The following GGT5 variants were observed in gnomAD, a reference collection of about 807,000 sequenced individuals.
GGT5 encodes the protein gamma-glutamyltransferase 5.
In GGT5, 50 loss-of-function variants were observed where a neutral mutation model predicts 58.1. The ratio of observed to expected loss-of-function variants is 0.86; its 90% CI spans 0.69 to 1.09. GGT5 has a LOEUF of 1.09. GGT5 is among the 50% of genes least tolerant of loss of function. The pLI is 0.00. For synonymous variants in GGT5, 370 were observed against 346.1 expected, an observed-to-expected ratio of 1.07 and a Z score of -0.77; for missense variants, 800 against 789.4, an observed-to-expected ratio of 1.01 and a Z score of -0.16.
chr22:24,226,276 G>C lies in GGT5; in HGVS notation c.1039-10C>G. On this transcript the variant is annotated splice_polypyrimidine_tract_variant and intron_variant, in intron 7 of 11. Transcript: ENST00000327365. ...GGTCCCGGGAGGCATTCTGGGGTGGGTGGGCAGGTGGCAGGGTCAGTGAGG... is the reference window on the plus strand; with the variant it reads ...GGTCCCGGGAGGCATTCTGGGGTGGCTGGGCAGGTGGCAGGGTCAGTGAGG... 6.3e-7 allele frequency: 1 copy of C among 1,585,054 alleles called. No individual in the cohort carries two copies. The highest frequency in any genetic ancestry group is 8.6e-7 in the Non-Finnish European group (1 of 1,167,962).
intron 6 of GGT5, among the ~76,000 whole-genome samples, chr22:24,230,372 GAAA>G: frequency 1.3e-5 from 1 of 77,486 alleles, no homozygotes; most frequent in Admixed American, 1.4e-4. Context: ...TGTCTAAAAA[GAAA>G]AAAAAAAAAA....
In GGT5 at chr22:24,238,954, AT is replaced by A. The variant is rs1312467008; in HGVS notation, c.174-4951del. ...TATATTATATAATATATATATATAT[AT>A]ATAATATATATATAGCCCATGACAC... On this transcript the variant is annotated intron_variant, in intron 1 of 11. Transcript: ENST00000327365. Among the ~76,000 whole-genome samples the A allele has an allele frequency of 8.4e-3, 307 of 36,386 alleles. 33 individuals carry two copies. The highest frequency in any genetic ancestry group is 0.013 in the Non-Finnish European group (242 of 18,042). 23.9% of individuals were successfully genotyped at this position (36,386 alleles called of 152,430 possible).
At chr22:24,238,682 C>T (rs560172363) in intron 1 of GGT5, among the ~76,000 whole-genome samples, 8 of 103,584 alleles carry the variant, frequency 7.7e-5, no homozygotes, top group South Asian at 3.2e-4. Context: ...CCAGCCTGGG[C>T]GACAGAGCAA....
intron 6 of GGT5, among the ~76,000 whole-genome samples, chr22:24,230,537 G>A (rs1012046232): frequency 2.0e-5 from 3 of 151,658 alleles, no homozygotes; most frequent in Admixed American, 1.3e-4. Context: ...TACCCTAGGC[G>A]ACAGAGCAAG....
At chr22:24,227,024 CT>C (rs1328314811) in intron 6 of GGT5, among the ~76,000 whole-genome samples, 3 of 146,724 alleles carry the variant, frequency 2.0e-5, no homozygotes, top group Non-Finnish European at 4.5e-5. Flanking sequence ...TCTCAGCTCA[CT>C]GCAATCTCTG....
intron 11 of GGT5, among the ~76,000 whole-genome samples, chr22:24,221,412 G>A (rs9608253): frequency 0.24 from 35,276 of 149,242 alleles, 4,534 homozygotes; most frequent in African/African-American, 0.32. Context: ...CATCCAGATC[G>A]ATTAACTGGC....
intron 1 of GGT5, among the ~76,000 whole-genome samples, chr22:24,236,518 C>T (rs368706776): frequency 5.2e-4 from 79 of 152,320 alleles, no homozygotes; most frequent in African/African-American, 1.8e-3. Flanking sequence ...AATCCCAGCA[C>T]TTTGGGAGGC....
At chr22:24,228,081 A>AAAC (rs2047829723) in intron 6 of GGT5, among the ~76,000 whole-genome samples, 5 of 146,974 alleles carry the variant, frequency 3.4e-5, no homozygotes, top group African/African-American at 1.0e-4. Context: ...ACAAAAAAAA[A>AAAC]AAAACTCTGA....
In GGT5 at chr22:24,225,562, G is replaced by A; in HGVS notation, c.1320C>T (p.Gly440=). The change falls in exon 9 of 12, where the codon GGC becomes GGT. Residue 440 remains glycine, a synonymous_variant. Transcript: ENST00000327365. The part of the protein sequence containing the change: ...DLCERCPRGS[G]TTPSPVSGDR... Reference sequence around the variant, plus strand: ...TGTTCTCACCAGGTGAGGGGGTGGTGCCGGAACCCCGGGGGCATCGCTCGC... The same window carrying A: ...TGTTCTCACCAGGTGAGGGGGTGGTACCGGAACCCCGGGGGCATCGCTCGC... The A allele has an allele frequency of 1.2e-6, 2 of 1,611,502 alleles. No homozygotes were observed. The highest frequency in any genetic ancestry group is 1.7e-6 in the Non-Finnish European group (2 of 1,177,658).
chr22:24,231,510 C>T lies in GGT5; in HGVS notation c.775G>A (p.Asp259Asn), dbSNP rs1182530126. ...AKEGSQLTLQDLAKFQPEVVD... is the reference protein window; with the variant it reads ...AKEGSQLTLQNLAKFQPEVVD... ...ACCTCGGGCTGGAACTTGGCCAGGT[C>T]CTGCAGCGTCAGCTGGCTCCCTGGG... The change falls in exon 6 of 12, where the codon GAC (aspartate) becomes AAC (asparagine). Residue 259 changes from aspartate (D) to asparagine (N), a missense_variant. Coordinates refer to ENST00000327365, the MANE Select transcript of GGT5 (RefSeq NM_004121.5). 6.3e-7 allele frequency: 1 copy of T among 1,590,198 alleles called. No homozygotes were observed. The highest frequency in any genetic ancestry group is 8.6e-7 in the Non-Finnish European group (1 of 1,168,336).
intron 1 of GGT5, among the ~76,000 whole-genome samples, chr22:24,240,077 C>T (rs1382165213): frequency 6.6e-6 from 1 of 152,142 alleles, no homozygotes; most frequent in East Asian, 1.9e-4. Context: ...CAGAGCAAGA[C>T]TCCCTCTATC....
intron 1 of GGT5, among the ~76,000 whole-genome samples, chr22:24,240,198 C>T (rs1370163634): frequency 1.3e-5 from 2 of 152,100 alleles, no homozygotes; most frequent in Non-Finnish European, 2.9e-5. Flanking sequence ...TTTAAAATAA[C>T]CCCAAGACTG....
intron 1 of GGT5, among the ~76,000 whole-genome samples, chr22:24,235,186 G>A (rs1456714410): frequency 6.6e-6 from 1 of 151,412 alleles, no homozygotes; most frequent in African/African-American, 2.4e-5. Flanking sequence ...AGCCTGCCGA[G>A]TAGCTGGGAT....
In GGT5 at chr22:24,232,089, C is replaced by T. The variant is rs753965719; in HGVS notation, c.716G>A (p.Arg239Lys). Reference sequence around the variant, plus strand: ...GTCCTCCACCAGCATCTGGCCCAGCCTCCCCGTGTAGAAGACCTCCACGCC... The same window carrying T: ...GTCCTCCACCAGCATCTGGCCCAGCTTCCCCGTGTAGAAGACCTCCACGCC... The part of the protein sequence containing the change: ...TEGVEVFYTG[R>K]LGQMLVEDIA... Residue 239 changes from arginine to lysine, a missense_variant, in exon 5 of 12, where the codon AGG becomes AAG. Coordinates refer to ENST00000327365, the MANE Select transcript of GGT5 (RefSeq NM_004121.5). 1.9e-6 allele frequency: 3 copies of T among 1,613,368 alleles called. No individual in the cohort carries two copies. Among genetic ancestry groups the T allele is most frequent in the South Asian group, 1.1e-5 (1 of 90,924 alleles).
intron 1 of GGT5, among the ~76,000 whole-genome samples, chr22:24,234,213 T>A (rs999028421): frequency 2.0e-5 from 3 of 152,234 alleles, no homozygotes; most frequent in Admixed American, 2.0e-4. Flanking sequence ...CAAAGTGTGA[T>A]GCCATTTACA....
At position 24,228,048 on chromosome 22, in the gene GGT5, C is replaced by CAAAAAAAAAAAAAAAAAA. The variant is rs1273239063; in HGVS notation, c.902-1299_902-1282dup. Among the ~76,000 whole-genome samples, 22 of 22,068 alleles carry CAAAAAAAAAAAAAAAAAA rather than the reference C, an allele frequency of 1.0e-3. 3 individuals carry two copies. Among genetic ancestry groups the CAAAAAAAAAAAAAAAAAA allele is most frequent in the Non-Finnish European group, 1.5e-3 (17 of 11,206 alleles). The allele number at this position is 22,068 out of a possible 152,430, so 14.5% of individuals were successfully genotyped here. On this transcript the variant is annotated intron_variant, in intron 6 of 11. Coordinates refer to ENST00000327365, the MANE Select transcript of GGT5 (RefSeq NM_004121.5). ...TAGTAAACAGAGCAAGACTCTGTCTCAAAAAAAAAAAAAAAAAACAAAACA... is the reference window on the plus strand; with the variant it reads ...TAGTAAACAGAGCAAGACTCTGTCTCAAAAAAAAAAAAAAAAAAAAAAAAAAAAAAAAAAAACAAAACA...
chr22:24,243,372 C>T (rs922720685), intron 1 of GGT5: 2 of 152,166 alleles, frequency 1.3e-5, no homozygotes, highest in Admixed American at 6.6e-5. Flanking sequence ...TGGGAGGAGA[C>T]AGAAAGACCT....
rs182724651 is a variant in GGT5 at position 24,243,887 on chromosome 22, C to T, written c.173+666G>A. On this transcript the variant is annotated intron_variant, in intron 1 of 11. Transcript: ENST00000327365. ...CACCGGGCTCCTCAGGACTGAGAGACCCGAGATGTGGCCCCAGGCTGGGTG... is the reference window on the plus strand; with the variant it reads ...CACCGGGCTCCTCAGGACTGAGAGATCCGAGATGTGGCCCCAGGCTGGGTG... 2.6e-3 allele frequency: 393 copies of T among 152,730 alleles called. 1 individual carries two copies. Among genetic ancestry groups the T allele is most frequent in the Non-Finnish European group, 4.6e-3 (315 of 68,350 alleles). The allele number at this position is 152,730 out of a possible 1,614,324, so 9.5% of individuals were successfully genotyped here. A position where few individuals can be genotyped will look rare whatever the true frequency, so the allele number is the denominator to read the frequency against.
At chr22:24,230,299 C>CA (rs992387887) in intron 6 of GGT5, among the ~76,000 whole-genome samples, 2 of 150,566 alleles carry the variant, frequency 1.3e-5, no homozygotes, top group African/African-American at 4.9e-5. Flanking sequence ...ACCTGGGAGG[C>CA]AGAGGTTGCA....
Sources: gnomAD v4.1 joint callset for allele counts (sites outside exome capture counted in the v4.1 genomes callset) on GRCh38, gnomAD v4.1.1 for gene constraint, MANE v1.5 for transcripts, NCBI Gene and HGNC (gene_info 2026-07-23, HGNC 2026-07-21) for gene names.